Variants in ZNF329 observed in about 807,000 individuals in gnomAD.
ZNF329 encodes zinc finger protein 329.
In ZNF329, 15 loss-of-function variants were observed where a neutral mutation model predicts 26.6. That is an observed-to-expected ratio of 0.56 (90% confidence interval 0.38 to 0.87). The LOEUF (loss-of-function observed/expected upper bound fraction) is 0.87. ZNF329 is among the 40% of genes least tolerant of loss of function. The pLI is 0.00. For synonymous variants in ZNF329, 239 were observed against 233.5 expected, an observed-to-expected ratio of 1.02 and a Z score of -0.21; for missense variants, 651 against 651.9, an observed-to-expected ratio of 1.00 and a Z score of 0.02.
upstream of ZNF329, among the ~76,000 whole-genome samples, chr19:58,154,379 ACACAGCACTTGCG>A (rs1477105029): frequency 5.3e-5 from 8 of 152,226 alleles, no homozygotes; most frequent in Admixed American, 2.0e-4. Flanking sequence ...GACCTATGCC[ACACAGCACTTGCG>A]CCCAGGGATA....
chr19:58,149,994 G>A (rs959831894), intron 1 of ZNF329, among the ~76,000 whole-genome samples: 5 of 152,262 alleles, frequency 3.3e-5, no homozygotes, highest in East Asian at 1.9e-4. Flanking sequence ...ATGGACAGAA[G>A]GAAAGATAAG....
rs529898442 is a variant in ZNF329, at chr19:58,126,491, A to T, written c.*1387T>A. 11 of 152,320 alleles carry T rather than the reference A, an allele frequency of 7.2e-5. No homozygotes were observed. In the East Asian group the frequency reaches 1.5e-3, roughly 21 times the overall value. 9.4% of individuals were successfully genotyped at this position (152,320 alleles called of 1,614,324 possible). On this transcript the variant is annotated 3_prime_UTR_variant, in exon 4 of 4. Coordinates refer to ENST00000598312, the MANE Select transcript of ZNF329 (RefSeq NM_024620.4). ...TTTTCAACATGGCAATAAAACCTTT[A>T]TAATGGTTCACAGTGGCTGAATTAG...
intron 3 of ZNF329, among the ~76,000 whole-genome samples, chr19:58,141,600 T>TA (rs2075190529): frequency 6.6e-6 from 1 of 152,036 alleles, no homozygotes; most frequent in Non-Finnish European, 1.5e-5. Context: ...CGGCCTGGCC[T>TA]AATGCTCTTG....
Position 58,129,225 on chromosome 19 carries a change from T to A in ZNF329, c.279A>T (p.Ala93=), listed in dbSNP as rs769024882. ...QRVLATNGFH[A]PDSNVSGLDC... ...CCAGACCACTAACATTTGAGTCAGGTGCATGGAAACCATTTGTTGCCAGAA... is the reference window on the plus strand; with the variant it reads ...CCAGACCACTAACATTTGAGTCAGGAGCATGGAAACCATTTGTTGCCAGAA... The change falls in exon 4 of 4, where the codon GCA becomes GCT. Residue 93 remains alanine (A), a synonymous_variant. Transcript: ENST00000598312. 3 of 1,614,190 alleles carry A rather than the reference T, an allele frequency of 1.9e-6. No homozygotes were observed. Among genetic ancestry groups the A allele is most frequent in the Non-Finnish European group, 2.5e-6 (3 of 1,180,036 alleles).
intron 1 of ZNF329, among the ~76,000 whole-genome samples, chr19:58,149,377 C>A (rs1268004270): frequency 3.3e-5 from 5 of 152,166 alleles, no homozygotes; most frequent in Non-Finnish European, 7.3e-5. Context: ...CCTGAATTTT[C>A]TTTCCCAAGA....
At chr19:58,129,785 G>T (rs2074896119) in intron 3 of ZNF329, among the ~76,000 whole-genome samples, 1 of 152,188 alleles carries the variant, frequency 6.6e-6, no homozygotes, top group Admixed American at 6.5e-5. Flanking sequence ...AGTTTGAGAT[G>T]TGAGAGACCA....
At position 58,131,756 on chromosome 19, in the gene ZNF329, G is replaced by A. The variant is rs186352437; in HGVS notation, c.-8-2245C>T. Among the ~76,000 whole-genome samples the A allele has an allele frequency of 2.0e-4, 31 of 152,252 alleles. No individual in the cohort carries two copies. In the East Asian group the frequency reaches 5.8e-3, roughly 29 times the overall value. On this transcript the variant is annotated intron_variant, in intron 3 of 3. Coordinates refer to ENST00000598312, the MANE Select transcript of ZNF329 (RefSeq NM_024620.4). ...CTGAAAACATTGGCTGGGAGCAGTGGGTCACGCCTGTAATCCCAGCACTTT... is the reference window on the plus strand; with the variant it reads ...CTGAAAACATTGGCTGGGAGCAGTGAGTCACGCCTGTAATCCCAGCACTTT...
At chr19:58,133,755 T>C (rs1568662879) in intron 3 of ZNF329, among the ~76,000 whole-genome samples, 1 of 151,874 alleles carries the variant, frequency 6.6e-6, no homozygotes, top group African/African-American at 2.4e-5. Context: ...TCCCAGCACT[T>C]TGGGAGGTCG....
intron 1 of ZNF329, among the ~76,000 whole-genome samples, chr19:58,148,233 T>A (rs2075370210): frequency 6.6e-6 from 1 of 150,910 alleles, no homozygotes. Context: ...TAATCTCAAG[T>A]ACCCAGGGAC....
At chr19:58,147,525 C>T (rs1162610533) in intron 1 of ZNF329, among the ~76,000 whole-genome samples, 6 of 139,272 alleles carry the variant, frequency 4.3e-5, no homozygotes, top group Middle Eastern at 4.2e-3. Context: ...CCCGGCCAGC[C>T]GCCCCGCCCG....
rs1475416470 is a variant in ZNF329 at position 58,129,343 on chromosome 19, A to G, written c.161T>C (p.Leu54Pro). ...EGHLRQSALT[L>P]EKPGTQEAIC... is the part of the protein sequence containing the mutation. ...TGCTTCCTGAGTCCCTGGTTTCTCC[A>G]GAGTTAAAGCTGATTGCCTCAAGTG... Residue 54 changes from leucine (L) to proline (P), a missense_variant, in exon 4 of 4, where the codon CTG becomes CCG. Leu to Pro is a moderately conservative substitution (Grantham distance 98, BLOSUM62 -3). Transcript: ENST00000598312. The G allele has an allele frequency of 1.9e-6, 3 of 1,614,084 alleles. No individual in the cohort carries two copies. The African/African-American group carries it at 4.0e-5, about 22-fold the overall frequency.
intron 3 of ZNF329, among the ~76,000 whole-genome samples, chr19:58,135,859 C>T (rs1881730343): frequency 6.6e-6 from 1 of 152,166 alleles, no homozygotes; most frequent in South Asian, 2.1e-4. Context: ...GTAAAGCAAA[C>T]TCCTATTTAT....
intron 3 of ZNF329, among the ~76,000 whole-genome samples, chr19:58,130,913 T>C (rs1398744173): frequency 6.6e-6 from 1 of 152,010 alleles, no homozygotes; most frequent in Admixed American, 6.6e-5. Flanking sequence ...GTGATCTTGG[T>C]TCACTGAAGC....
chr19:58,127,829 T>TAAAC lies in ZNF329; in HGVS notation c.*45_*48dup, dbSNP rs1452258272. The TAAAC allele has an allele frequency of 3.3e-6, 5 of 1,514,780 alleles. No homozygotes were observed. Among genetic ancestry groups the TAAAC allele is most frequent in the East Asian group, 2.3e-5 (1 of 44,142 alleles). The allele number at this position is 1,514,780 out of a possible 1,614,324, so 93.8% of individuals were successfully genotyped here. ...GGAGTCAGATCTAAGACACGCCTCC[T>TAAAC]AAACACAGGAGTGAGAGTGAACTGG... On this transcript the variant is annotated 3_prime_UTR_variant, in exon 4 of 4. Transcript: ENST00000598312.
intron 1 of ZNF329, among the ~76,000 whole-genome samples, chr19:58,145,542 G>A (rs1273601030): frequency 2.0e-5 from 3 of 150,594 alleles, no homozygotes; most frequent in African/African-American, 4.9e-5. Context: ...GGCTGGTGTT[G>A]AACTCCTGAC....
At chr19:58,139,655 T>C (rs2075142826) in intron 3 of ZNF329, among the ~76,000 whole-genome samples, 1 of 152,106 alleles carries the variant, frequency 6.6e-6, no homozygotes, top group Admixed American at 6.5e-5. Flanking sequence ...CCAAATACCA[T>C]CACAGTGGGG....
chr19:58,146,201 C>T (rs904989347), intron 1 of ZNF329, among the ~76,000 whole-genome samples: 1 of 152,168 alleles, frequency 6.6e-6, no homozygotes, highest in Non-Finnish European at 1.5e-5. Context: ...GGGCCAGGCG[C>T]AGTGGCTCAC....
chr19:58,149,260 A>G (rs912332575), intron 1 of ZNF329, among the ~76,000 whole-genome samples: 4 of 152,152 alleles, frequency 2.6e-5, no homozygotes, highest in Non-Finnish European at 5.9e-5. Context: ...ATAACCATAA[A>G]AATGGGCGAC....
At chr19:58,138,213 GA>G (rs1349673573) in intron 3 of ZNF329, among the ~76,000 whole-genome samples, 1 of 151,882 alleles carries the variant, frequency 6.6e-6, no homozygotes, top group Non-Finnish European at 1.5e-5. Context: ...AAAGTAATAT[GA>G]AAAAAATCTC....
Sources: gnomAD v4.1 joint callset for allele counts (sites outside exome capture counted in the v4.1 genomes callset) on GRCh38, gnomAD v4.1.1 for gene constraint, MANE v1.5 for transcripts, NCBI Gene and HGNC (gene_info 2026-07-23, HGNC 2026-07-21) for gene names.